POFUT2: variants seen among roughly 807,000 people sequenced by gnomAD.
The protein encoded by POFUT2 is protein O-fucosyltransferase 2, also known as GDP-fucose protein O-fucosyltransferase 2.
A neutral mutation model predicts 55.0 loss-of-function variants in POFUT2; 30 were observed. The ratio of observed to expected loss-of-function variants is 0.55; its 90% CI spans 0.41 to 0.74. The LOEUF is 0.74. POFUT2 is among the 30% of genes least tolerant of loss of function. The probability of loss-of-function intolerance (pLI) is 0.00; values close to 1 mark genes in which losing one functional copy is unlikely to be tolerated. For missense variants in POFUT2, 524 were observed against 562.6 expected (o/e 0.93, Z 0.69); for synonymous variants, 267 against 231.1 (o/e 1.16, Z -1.41).
intron 6 of POFUT2, among the ~76,000 whole-genome samples, chr21:45,273,492 G>A (rs759620773): frequency 7.2e-5 from 11 of 152,054 alleles, no homozygotes; most frequent in Non-Finnish European, 1.5e-4. Flanking sequence ...TATTCCAAAA[G>A]ACAGAGAAAG....
chr21:45,270,150 G>A lies in POFUT2; in HGVS notation c.832-131C>T, dbSNP rs546929287. On this transcript the variant is annotated intron_variant, in intron 6 of 8. Transcript: ENST00000349485. The surrounding 1 kb of genome is among the most constrained non-coding windows in gnomAD (Gnocchi z 4.6). ...GCCTCCTCCACGGGGTGGCTCCAGG[G>A]CTGTCTAAGGGATTCAGGTGGAATC... The A allele has an allele frequency of 3.6e-6, 2 of 560,334 alleles. No homozygotes were observed. Among genetic ancestry groups the A allele is most frequent in the East Asian group, 6.8e-5 (2 of 29,432 alleles). The allele number at this position is 560,334 out of a possible 1,614,324, so 34.7% of individuals were successfully genotyped here.
chr21:45,279,526 CAAAG>C (rs1292329844), intron 4 of POFUT2, among the ~76,000 whole-genome samples: 18 of 152,198 alleles, frequency 1.2e-4, no homozygotes, highest in Non-Finnish European at 2.1e-4. Flanking sequence ...ACTCTGAAAT[CAAAG>C]AAACACACAC....
chr21:45,278,888 G>C (rs576157615), intron 4 of POFUT2, among the ~76,000 whole-genome samples: 12 of 152,214 alleles, frequency 7.9e-5, no homozygotes, highest in African/African-American at 2.6e-4. Flanking sequence ...AGTCATCCTG[G>C]TGCCTGTGAC....
Position 45,284,276 on chromosome 21 carries a change from C to G in POFUT2, c.383-749G>C, listed in dbSNP as rs1255541234. 1.3e-5 allele frequency among the ~76,000 whole-genome samples: 2 copies of G among 152,128 alleles called. No homozygotes were observed. The highest frequency in any genetic ancestry group is 2.9e-5 in the Non-Finnish European group (2 of 68,030). On this transcript the variant is annotated intron_variant, in intron 2 of 8. Transcript: ENST00000349485. The surrounding 1 kb of genome is among the most constrained non-coding windows in gnomAD (Gnocchi z 5.8). ...GAGGGAGCATCGCGAAGGTGAAGTT[C>G]TGGTATCCTTTTTGCTCACTCATGA...
Position 45,277,198 on chromosome 21 carries a change from C to T in POFUT2, c.706-56G>A. The T allele has an allele frequency of 6.3e-7, 1 of 1,588,072 alleles. No homozygotes were observed. Among genetic ancestry groups the T allele is most frequent in the Non-Finnish European group, 8.5e-7 (1 of 1,170,052 alleles). On this transcript the variant is annotated intron_variant, in intron 5 of 8. Coordinates refer to ENST00000349485, the MANE Select transcript of POFUT2 (RefSeq NM_133635.6). This position sits in a 1 kb window ranked among gnomAD's most constrained non-coding sequence, Gnocchi z 6.9. Reference sequence around the variant, plus strand: ...CACGCCCGCCCGCCACGCAGCCCTCCCGGAGCGGGTTCTCCTGTCGCTGCC... The same window carrying T: ...CACGCCCGCCCGCCACGCAGCCCTCTCGGAGCGGGTTCTCCTGTCGCTGCC...
At chr21:45,278,717 G>A (rs1049948059) in intron 4 of POFUT2, among the ~76,000 whole-genome samples, 2 of 152,198 alleles carry the variant, frequency 1.3e-5, no homozygotes, top group African/African-American at 2.4e-5. Context: ...CCAGGAACAC[G>A]GGCACACGAC....
intron 3 of POFUT2, 69 bp downstream of exon 3, chr21:45,283,292 CGGGGGGCGCCTGAGGCGGGGGG>C (rs1156404261): frequency 1.7e-5 from 9 of 539,182 alleles, no homozygotes; most frequent in Non-Finnish European, 2.7e-5. Context: ...GAGGAGTGGG[CGGGGGGCGCCTGAGGCGGGGGG>C]GGGGGGACGC....
rs1377987373 is a variant in POFUT2, at chr21:45,287,750, G to A, written c.122C>T (p.Ser41Phe). The change falls in exon 1 of 9, where the codon TCC (serine) becomes TTC (phenylalanine). Residue 41 changes from serine to phenylalanine, a missense_variant. Ser to Phe is a radical substitution (Grantham distance 155). Transcript: ENST00000349485. ...SAADILSGAA[S>F]RRRYLLYDVN... ...GTGGACGCGCGTTTACCGTCTGCGGGAAGCCGCCCCCGACAGAATATCGGC... is the reference window on the plus strand; with the variant it reads ...GTGGACGCGCGTTTACCGTCTGCGGAAAGCCGCCCCCGACAGAATATCGGC... The A allele has an allele frequency of 9.5e-6, 14 of 1,477,412 alleles. No individual in the cohort carries two copies. Among genetic ancestry groups the A allele is most frequent in the Non-Finnish European group, 1.1e-5 (12 of 1,108,538 alleles). 91.5% of individuals were successfully genotyped at this position (1,477,412 alleles called of 1,614,324 possible). A position where few individuals can be genotyped will look rare whatever the true frequency, so the allele number is the denominator to read the frequency against.
chr21:45,286,811 T>C (rs2031461892), intron 1 of POFUT2, among the ~76,000 whole-genome samples: 2 of 152,164 alleles, frequency 1.3e-5, no homozygotes, highest in South Asian at 4.1e-4. Context: ...CGCCCAGGCC[T>C]GCGAACGCCA....
intron 6 of POFUT2, among the ~76,000 whole-genome samples, chr21:45,274,472 T>C (rs2093245589): frequency 6.6e-6 from 1 of 152,150 alleles, no homozygotes; most frequent in Non-Finnish European, 1.5e-5. Flanking sequence ...CTAAAATTCA[T>C]ATGGAACCAA....
At chr21:45,273,422 A>G (rs2093236013) in intron 6 of POFUT2, among the ~76,000 whole-genome samples, 2 of 152,194 alleles carry the variant, frequency 1.3e-5, no homozygotes. Context: ...TCCAGGACCC[A>G]ATGAATTCAC....
Position 45,265,742 on chromosome 21 carries a change from T to TA in POFUT2, c.1137-108dup. 6.7e-7 allele frequency: 1 copy of TA among 1,496,264 alleles called. No individual in the cohort carries two copies. Among genetic ancestry groups the TA allele is most frequent in the Non-Finnish European group, 8.9e-7 (1 of 1,127,852 alleles). The allele number at this position is 1,496,264 out of a possible 1,614,324, so 92.7% of individuals were successfully genotyped here. ...AGCTGAGTGAAATGAGTTCCACAGTTACATGGAACCAACACGGCCGTCCCC... is the reference window on the plus strand; with the variant it reads ...AGCTGAGTGAAATGAGTTCCACAGTTAACATGGAACCAACACGGCCGTCCCC... On this transcript the variant is annotated intron_variant, in intron 8 of 8. Coordinates refer to ENST00000349485, the MANE Select transcript of POFUT2 (RefSeq NM_133635.6). The surrounding 1 kb of genome is among the most constrained non-coding windows in gnomAD (Gnocchi z 4.6).
rs2093165401 is a variant in POFUT2, at chr21:45,267,353, A to G, written c.1136+237T>C. 2.3e-5 allele frequency: 35 copies of G among 1,546,566 alleles called. 1 individual carries two copies. In the South Asian group the frequency reaches 4.4e-4, roughly 19 times the overall value. On this transcript the variant is annotated intron_variant, in intron 8 of 8. Transcript: ENST00000349485. This position sits in a 1 kb window ranked among gnomAD's most constrained non-coding sequence, Gnocchi z 4.4. ...CTGAGACGAGGCCAGCTATGCCAAC[A>G]GCCTGCTATGGAGGAATTCTGTGCA...
Position 45,282,744 on chromosome 21 carries a change from T to G in POFUT2, c.528-285A>C. ...CGGACAGAGGCAGCCCTGTGCACCTTCAGGGCCAGCCTGGCTGTGACCGTC... is the reference window on the plus strand; with the variant it reads ...CGGACAGAGGCAGCCCTGTGCACCTGCAGGGCCAGCCTGGCTGTGACCGTC... On this transcript the variant is annotated intron_variant, in intron 3 of 8. Transcript: ENST00000349485. The surrounding 1 kb of genome is among the most constrained non-coding windows in gnomAD (Gnocchi z 4.6). 1.9e-6 allele frequency: 1 copy of G among 535,392 alleles called. No individual in the cohort carries two copies. Among genetic ancestry groups the G allele is most frequent in the Non-Finnish European group, 3.6e-6 (1 of 274,004 alleles). 33.2% of individuals were successfully genotyped at this position (535,392 alleles called of 1,614,324 possible). A position where few individuals can be genotyped will look rare whatever the true frequency, so the allele number is the denominator to read the frequency against.
chr21:45,267,395 A>G lies in POFUT2; in HGVS notation c.1136+195T>C. ...TTCTGTGCATGAGAACTAAAGGGGC[A>G]AGATGAACAATTAACTTCAGCCCAG... On this transcript the variant is annotated intron_variant, in intron 8 of 8. Transcript: ENST00000349485. This position sits in a 1 kb window ranked among gnomAD's most constrained non-coding sequence, Gnocchi z 4.4. 2 of 1,602,216 alleles carry G rather than the reference A, an allele frequency of 1.2e-6. No homozygotes were observed. Among genetic ancestry groups the G allele is most frequent in the South Asian group, 2.2e-5 (2 of 89,982 alleles).
rs149288381 is a variant in POFUT2 at position 45,265,555 on chromosome 21, G to A, written c.1217C>T (p.Thr406Met). The A allele has an allele frequency of 4.4e-4, 717 of 1,614,108 alleles. No individual in the cohort carries two copies. The highest frequency in any genetic ancestry group is 5.1e-4 in the Non-Finnish European group (597 of 1,179,984). Residue 406 changes from threonine (T) to methionine (M), a missense_variant, in exon 9 of 9, where the codon ACG becomes ATG. This residue lies in a region of POFUT2 where 250 missense variants were observed against 318.2 expected (regional missense o/e 0.79). Transcript: ENST00000349485. This position sits in a 1 kb window ranked among gnomAD's most constrained non-coding sequence, Gnocchi z 4.6. ...GTCTCCGCAGAACCTGTTGTACGTC[G>A]TCTTGGGGTCCAACCCCAGGATTTC... Reference protein sequence around the residue: ...EREILGLDPKTTYNRFCGDQE... With the variant: ...EREILGLDPKMTYNRFCGDQE...
intron 4 of POFUT2, among the ~76,000 whole-genome samples, chr21:45,279,235 CA>C (rs889892909): frequency 1.3e-4 from 19 of 151,984 alleles, no homozygotes; most frequent in South Asian, 4.2e-4. Context: ...ACTAAAAATA[CA>C]AAAAAATTAG....
At chr21:45,287,061 C>T (rs2031496206) in intron 1 of POFUT2, among the ~76,000 whole-genome samples, 3 of 152,024 alleles carry the variant, frequency 2.0e-5, no homozygotes, top group South Asian at 4.1e-4. Flanking sequence ...CCCGAGGCTG[C>T]GCCCCGGGCC....
At position 45,287,804 on chromosome 21, in the gene POFUT2, C is replaced by T; in HGVS notation, c.68G>A (p.Gly23Asp). ...AVSWPPASAS[G>D]QEFWPGQSAA... ...CGATTGTCCGGGCCAGAACTCCTGG[C>T]CGGAGGCAGAAGCCGGAGGCCAGGA... The change falls in exon 1 of 9, where the codon GGC (glycine) becomes GAC (aspartate). Residue 23 changes from glycine to aspartate, a missense_variant. Gly to Asp is a moderately conservative substitution (Grantham distance 94, BLOSUM62 -1). Around this residue, in one of 2 missense-constraint regions of POFUT2, gnomAD observed 274 missense variants for 244.4 expected, o/e 1.12. Coordinates refer to ENST00000349485, the MANE Select transcript of POFUT2 (RefSeq NM_133635.6). 2 of 1,514,070 alleles carry T rather than the reference C, an allele frequency of 1.3e-6. No homozygotes were observed. The highest frequency in any genetic ancestry group is 1.8e-6 in the Non-Finnish European group (2 of 1,127,676). 93.8% of individuals were successfully genotyped at this position (1,514,070 alleles called of 1,614,324 possible).
Sources: allele counts gnomAD v4.1 joint callset (sites outside exome capture counted in the v4.1 genomes callset), GRCh38; gene constraint gnomAD v4.1.1; regional missense constraint gnomAD v4.1.1; non-coding constraint Gnocchi (gnomAD v3.1); transcripts MANE v1.5; gene names NCBI Gene and HGNC (gene_info 2026-07-23, HGNC 2026-07-21).